Variants in KIF26B observed in about 807,000 individuals in gnomAD.
The protein encoded by KIF26B is kinesin family member 26B.
A neutral mutation model predicts 151.2 loss-of-function variants in KIF26B; 63 were observed. That is an observed-to-expected ratio of 0.42 (90% CI 0.34 to 0.51). The LOEUF is 0.51. Among genes scored for constraint, KIF26B ranks in the 20% least tolerant of loss-of-function variants. The pLI, the probability that KIF26B is intolerant of heterozygous loss-of-function variation, is 0.07. For missense variants in KIF26B, 2,813 were observed against 2,913.6 expected (o/e 0.97, Z 0.79); for synonymous variants, 1,357 against 1,262.1 (o/e 1.08, Z -1.59).
At chr1:245,402,247 AG>A in intron 3 of KIF26B, among the ~76,000 whole-genome samples, 1 of 152,226 alleles carries the variant, frequency 6.6e-6, no homozygotes, top group East Asian at 1.9e-4. Context: ...CAGAGAAAAA[AG>A]GTTCAAGTGG....
intron 10 of KIF26B, among the ~76,000 whole-genome samples, chr1:245,655,723 C>T (rs564400748): frequency 3.9e-5 from 6 of 152,324 alleles, no homozygotes; most frequent in East Asian, 3.9e-4. Flanking sequence ...CTTTTTCATA[C>T]GGCCTTTAAA....
intron 2 of KIF26B, among the ~76,000 whole-genome samples, chr1:245,243,135 A>T (rs922159156): frequency 1.3e-5 from 2 of 152,164 alleles, no homozygotes; most frequent in Admixed American, 1.3e-4. Context: ...TCAACTTTAC[A>T]ACTTATCACC....
chr1:245,602,720 A>G lies in KIF26B; in HGVS notation c.1494A>G (p.Arg498=). ...TCGGQNAFQK[R]GNQVPPKMFA... ...GAGGTCAAAATGCCTTCCAAAAGAG[A>G]GGCAACCAGGTTCCTCCAAAGATGT... Residue 498 remains arginine, a synonymous_variant, in exon 6 of 15, where the codon AGA becomes AGG. Coordinates refer to ENST00000407071, the MANE Select transcript of KIF26B (RefSeq NM_018012.4). This position sits in a 1 kb window ranked among gnomAD's most constrained non-coding sequence, Gnocchi z 4.5. 2 of 1,614,074 alleles carry G rather than the reference A, an allele frequency of 1.2e-6. No homozygotes were observed. The highest frequency in any genetic ancestry group is 1.7e-6 in the Non-Finnish European group (2 of 1,179,908).
At chr1:245,524,815 C>A (rs1040533948) in intron 4 of KIF26B, among the ~76,000 whole-genome samples, 1 of 152,034 alleles carries the variant, frequency 6.6e-6, no homozygotes, top group African/African-American at 2.4e-5. Context: ...TTACTTCTTC[C>A]ACCCCTATTT....
rs2044233161 is a variant in KIF26B, at chr1:245,667,805, A to C, written c.2259-16428A>C. On this transcript the variant is annotated intron_variant, in intron 10 of 14. Coordinates refer to ENST00000407071, the MANE Select transcript of KIF26B (RefSeq NM_018012.4). This position sits in a 1 kb window ranked among gnomAD's most constrained non-coding sequence, Gnocchi z 4.3. ...CTGAGATGTTTTGAAGCTAAAACAG[A>C]CAAACAAAAGGGACCAAAGAGGTGG... is the stretch of plus-strand genomic sequence containing the variant. 6.6e-6 allele frequency among the ~76,000 whole-genome samples: 1 copy of C among 152,184 alleles called. No individual in the cohort carries two copies. Among genetic ancestry groups the C allele is most frequent in the South Asian group, 2.1e-4 (1 of 4,822 alleles).
intron 9 of KIF26B, among the ~76,000 whole-genome samples, chr1:245,627,229 G>A (rs2043733177): frequency 6.6e-6 from 1 of 152,050 alleles, no homozygotes; most frequent in Non-Finnish European, 1.5e-5. Context: ...TTTTCTCTGT[G>A]TGTTTAAATT....
chr1:245,401,476 A>T (rs924388259), intron 3 of KIF26B, among the ~76,000 whole-genome samples: 2 of 152,312 alleles, frequency 1.3e-5, no homozygotes, highest in Non-Finnish European at 2.9e-5. Flanking sequence ...TGTTTTTATT[A>T]GTTCCTACAT....
At position 245,273,014 on chromosome 1, in the gene KIF26B, A is replaced by G. The variant is rs536401169; in HGVS notation, c.466-93820A>G. On this transcript the variant is annotated intron_variant, in intron 2 of 14. Coordinates refer to ENST00000407071, the MANE Select transcript of KIF26B (RefSeq NM_018012.4). Reference sequence around the variant, plus strand: ...CTGCTGCTTTTGGGTGAAATGTTTTATAAATGTCTGTTGGGTCCCTCGATC... The same window carrying G: ...CTGCTGCTTTTGGGTGAAATGTTTTGTAAATGTCTGTTGGGTCCCTCGATC... 9.4e-4 allele frequency among the ~76,000 whole-genome samples: 143 copies of G among 151,894 alleles called. 1 individual carries two copies. The highest frequency in any genetic ancestry group is 1.6e-3 in the Non-Finnish European group (110 of 67,964).
intron 10 of KIF26B, among the ~76,000 whole-genome samples, chr1:245,674,255 G>A (rs541399106): frequency 5.5e-4 from 84 of 152,140 alleles, no homozygotes; most frequent in Non-Finnish European, 1.0e-3. Flanking sequence ...AATGTCTACT[G>A]CAAAGCACTG....
rs1394302190 is a variant in KIF26B at position 245,606,390 on chromosome 1, A to G, written c.1558-1261A>G. Among the ~76,000 whole-genome samples, 1 of 151,610 alleles carries G rather than the reference A, an allele frequency of 6.6e-6. No individual in the cohort carries two copies. The highest frequency in any genetic ancestry group is 2.4e-5 in the African/African-American group (1 of 41,464). On this transcript the variant is annotated intron_variant, in intron 6 of 14. Transcript: ENST00000407071. This position sits in a 1 kb window ranked among gnomAD's most constrained non-coding sequence, Gnocchi z 4.6. ...GAGGGCTGCAAAGCCCCATGTTAGC[A>G]CTGCCTCCCGGAGCTCCCACGAGCC...
At chr1:245,544,084 G>A (rs1047761793) in intron 5 of KIF26B, among the ~76,000 whole-genome samples, 6 of 152,192 alleles carry the variant, frequency 3.9e-5, no homozygotes, top group South Asian at 4.2e-4. Flanking sequence ...TGACCTCAGC[G>A]AAGGCCCATC....
intron 3 of KIF26B, among the ~76,000 whole-genome samples, chr1:245,372,550 A>G (rs756495143): frequency 3.9e-5 from 6 of 152,024 alleles, no homozygotes; most frequent in African/African-American, 7.2e-5. Context: ...CCCAGTGTCT[A>G]TTGTTCCTCG....
chr1:245,224,393 G>T (rs1669835926), intron 2 of KIF26B, among the ~76,000 whole-genome samples: 2 of 152,182 alleles, frequency 1.3e-5, no homozygotes, highest in African/African-American at 2.4e-5. Flanking sequence ...ATACGCAGTT[G>T]TTTGAGTTGC....
intron 9 of KIF26B, among the ~76,000 whole-genome samples, chr1:245,627,179 C>A (rs955100449): frequency 3.9e-5 from 6 of 152,104 alleles, no homozygotes; most frequent in African/African-American, 1.4e-4. Flanking sequence ...ATGCCTCCAG[C>A]TTGTTTCTTT....
chr1:245,388,371 C>T (rs1329613674), intron 3 of KIF26B, among the ~76,000 whole-genome samples: 1 of 152,152 alleles, frequency 6.6e-6, no homozygotes, highest in East Asian at 1.9e-4. Context: ...ACTAAAGTAG[C>T]ACTTGCAGGA....
At chr1:245,417,116 C>G (rs999327675) in intron 3 of KIF26B, among the ~76,000 whole-genome samples, 4 of 151,932 alleles carry the variant, frequency 2.6e-5, no homozygotes, top group African/African-American at 9.7e-5. Flanking sequence ...AAAAATGGAG[C>G]AGGAAAGGCA....
At chr1:245,546,450 T>G (rs1194063928) in intron 5 of KIF26B, among the ~76,000 whole-genome samples, 2 of 152,146 alleles carry the variant, frequency 1.3e-5, no homozygotes, top group African/African-American at 4.8e-5. Flanking sequence ...CCGGGGAAAA[T>G]CTCATGCCTT....
intron 4 of KIF26B, among the ~76,000 whole-genome samples, chr1:245,451,791 G>T (rs1251536316): frequency 6.6e-6 from 1 of 151,378 alleles, no homozygotes; most frequent in Non-Finnish European, 1.5e-5. Flanking sequence ...GTAGAGATGG[G>T]GTTTCACCAT....
At chr1:245,457,247 G>T (rs1281966955) in intron 4 of KIF26B, among the ~76,000 whole-genome samples, 2 of 152,150 alleles carry the variant, frequency 1.3e-5, no homozygotes, top group African/African-American at 2.4e-5. Flanking sequence ...GCTAGTAGGA[G>T]AATTTTTAGT....
Sources: allele counts gnomAD v4.1 joint callset (sites outside exome capture counted in the v4.1 genomes callset), GRCh38; gene constraint gnomAD v4.1.1; non-coding constraint Gnocchi (gnomAD v3.1); transcripts MANE v1.5; gene names NCBI Gene and HGNC (gene_info 2026-07-23, HGNC 2026-07-21).